The following KIF21B variants were observed in gnomAD, a reference collection of about 807,000 sequenced individuals.
KIF21B encodes the protein kinesin-like protein KIF21B.
Under a neutral mutation model 192.9 loss-of-function variants are expected in KIF21B, and 85 were observed. The ratio of observed to expected loss-of-function variants is 0.44; its 90% CI spans 0.37 to 0.53. The LOEUF (loss-of-function observed/expected upper bound fraction) is 0.53, where lower values mean the gene tolerates loss of function less well. Ranked by LOEUF, KIF21B falls within the 20% of genes least tolerant of loss-of-function variation. KIF21B has a pLI of 0.00. For missense variants in KIF21B, 1,716 were observed against 2,194.8 expected (o/e 0.78, Z 4.36); for synonymous variants, 832 against 884.6 (o/e 0.94, Z 1.05).
chr1:200,987,149 C>A lies in KIF21B; in HGVS notation c.3461G>T (p.Gly1154Val), dbSNP rs1471048187. The change falls in exon 25 of 35, where the codon GGC becomes GTC. Residue 1154 changes from glycine (G) to valine (V), a missense_variant. By Grantham distance (109) the Gly-to-Val change is moderately radical (BLOSUM62 -3). This residue lies in a region of KIF21B where 580 missense variants were observed against 775.5 expected (regional missense o/e 0.75). Transcript: ENST00000461742. Reference protein sequence around the residue: ...QMKAVSAECLGPPLDISTKNI... With the variant: ...QMKAVSAECLVPPLDISTKNI... The stretch of plus-strand genomic sequence containing the variant: ...CTTGGTGGAGATATCCAGTGGGGGG[C>A]CCAGGCACTCAGCCGACACAGCTTT... The A allele has an allele frequency of 6.2e-7, 1 of 1,613,846 alleles. No homozygotes were observed. Among genetic ancestry groups the A allele is most frequent in the Non-Finnish European group, 8.5e-7 (1 of 1,180,010 alleles).
intron 1 of KIF21B, among the ~76,000 whole-genome samples, chr1:201,014,805 T>C (rs1309467854): frequency 4.6e-5 from 7 of 152,252 alleles, no homozygotes; most frequent in Admixed American, 4.6e-4. Flanking sequence ...CCCAGGCTCT[T>C]TCCACTTGAA....
Position 200,974,742 on chromosome 1 carries a change from T to A in KIF21B, c.4786A>T (p.Asn1596Tyr). The A allele has an allele frequency of 6.2e-7, 1 of 1,614,210 alleles. No individual in the cohort carries two copies. Among genetic ancestry groups the A allele is most frequent in the South Asian group, 1.1e-5 (1 of 91,090 alleles). The part of the protein sequence containing the change: ...HDSPINAICT[N>Y]AKHIFTASSD... ...GAGGCTGTGAAGATATGCTTGGCAT[T>A]GGTGCAGATGGCATTGATGGGACTG... The change falls in exon 34 of 35, where the codon AAT (asparagine) becomes TAT (tyrosine). Residue 1596 changes from asparagine to tyrosine, a missense_variant. Asn to Tyr is a moderately radical substitution (Grantham distance 143, BLOSUM62 -2). Coordinates refer to ENST00000461742, the MANE Select transcript of KIF21B (RefSeq NM_001252102.2).
chr1:200,995,949 A>T (rs561015210), intron 15 of KIF21B, among the ~76,000 whole-genome samples: 1 of 152,202 alleles, frequency 6.6e-6, no homozygotes, highest in East Asian at 1.9e-4. Context: ...TGCCCTGAAC[A>T]CGACCCCTGT....
intron 24 of KIF21B, 81 bp from the exon 25 acceptor site, chr1:200,987,282 T>C: frequency 5.1e-6 from 7 of 1,365,066 alleles, no homozygotes; most frequent in South Asian, 1.4e-5. Flanking sequence ...TTCTATTTTT[T>C]TTTTTTTGAG....
At chr1:201,009,689 G>GTTAA (rs1658124065) in intron 1 of KIF21B, among the ~76,000 whole-genome samples, 1 of 152,232 alleles carries the variant, frequency 6.6e-6, no homozygotes, top group Non-Finnish European at 1.5e-5. Flanking sequence ...AACAGCAGTT[G>GTTAA]TTAACATTTA....
rs1245146287 is a variant in KIF21B at position 201,000,501 on chromosome 1, G to A, written c.1574C>T (p.Ala525Val). The A allele has an allele frequency of 5.0e-6, 8 of 1,610,024 alleles. No individual in the cohort carries two copies. The highest frequency in any genetic ancestry group is 6.8e-6 in the Non-Finnish European group (8 of 1,177,682). ...GGAGCTGGCAGGGCTGCCCCCGAAG[G>A]CCGGGGCGGCTGGAGAAGCACCCAG... The part of the protein sequence containing the change: ...YSLGASPAAP[A>V]FGGSPASSME... The change falls in exon 11 of 35, where the codon GCC (alanine) becomes GTC (valine). Residue 525 changes from alanine (A) to valine (V), a missense_variant. Coordinates refer to ENST00000461742, the MANE Select transcript of KIF21B (RefSeq NM_001252102.2). The surrounding 1 kb of genome is among the most constrained non-coding windows in gnomAD (Gnocchi z 6.0).
intron 29 of KIF21B, among the ~76,000 whole-genome samples, chr1:200,980,206 A>G (rs1483999996): frequency 6.6e-6 from 1 of 152,192 alleles, no homozygotes; most frequent in Non-Finnish European, 1.5e-5. Flanking sequence ...TCTATTACAG[A>G]CTAGTTCTTT....
In KIF21B at chr1:200,988,751, C is replaced by A. The variant is rs993700161; in HGVS notation, c.3298+15G>T. 1.3e-6 allele frequency: 2 copies of A among 1,591,500 alleles called. No homozygotes were observed. The highest frequency in any genetic ancestry group is 1.3e-5 in the African/African-American group (1 of 74,278). ...TGCCAAGGAGCTGGCAGCTTCCAAC[C>A]GCCCCTACCCGTACCCTGCTGCACA... On this transcript the variant is annotated intron_variant, in intron 22 of 34. Coordinates refer to ENST00000461742, the MANE Select transcript of KIF21B (RefSeq NM_001252102.2).
rs374422881 is a variant in KIF21B, at chr1:200,977,133, G to A, written c.4325+79C>T. 1.5e-4 allele frequency: 228 copies of A among 1,521,202 alleles called. No homozygotes were observed. In the African/African-American group the frequency reaches 2.7e-3, roughly 18 times the overall value. The allele number at this position is 1,521,202 out of a possible 1,614,324, so 94.2% of individuals were successfully genotyped here. A position where few individuals can be genotyped will look rare whatever the true frequency, so the allele number is the denominator to read the frequency against. The stretch of plus-strand genomic sequence containing the variant: ...TTGCTGAGGTCCTACCCACCCTGGG[G>A]TGGGTCCCCCTGAACCAAGACCTGG... On this transcript the variant is annotated intron_variant, in intron 31 of 34. Coordinates refer to ENST00000461742, the MANE Select transcript of KIF21B (RefSeq NM_001252102.2).
At chr1:201,009,924 C>T (rs531237190) in intron 1 of KIF21B, among the ~76,000 whole-genome samples, 2 of 152,332 alleles carry the variant, frequency 1.3e-5, no homozygotes, top group South Asian at 2.1e-4. Flanking sequence ...CCTGATTGGA[C>T]CAGAAGCCCT....
At position 200,973,474 on chromosome 1, in the gene KIF21B, C is replaced by T; in HGVS notation, c.*47G>A. ...GTCACAGCTTCCCTTCCATGGTGTC[C>T]AGGCTGCTGGGGTCGAGGGTCCGGG... On this transcript the variant is annotated 3_prime_UTR_variant, in exon 35 of 35. Transcript: ENST00000461742. 11 of 1,405,400 alleles carry T rather than the reference C, an allele frequency of 7.8e-6. No individual in the cohort carries two copies. The highest frequency in any genetic ancestry group is 1.0e-5 in the Non-Finnish European group (11 of 1,087,632). 87.1% of individuals were successfully genotyped at this position (1,405,400 alleles called of 1,614,324 possible).
intron 30 of KIF21B, 57 bp from the exon 31 acceptor site, chr1:200,977,433 G>A: frequency 6.4e-7 from 1 of 1,568,424 alleles, no homozygotes; most frequent in Non-Finnish European, 8.7e-7. Flanking sequence ...GCACAGTGCA[G>A]GAAACCAATA....
chr1:200,982,368 G>A lies in KIF21B; in HGVS notation c.3842+688C>T, dbSNP rs568524513. Among the ~76,000 whole-genome samples the A allele has an allele frequency of 2.0e-5, 3 of 152,336 alleles. No individual in the cohort carries two copies. Among genetic ancestry groups the A allele is most frequent in the Admixed American group, 1.3e-4 (2 of 15,312 alleles). ...GCTGAGACAGCCCACCAGGAGAGCC[G>A]AGGAAGCTCTCAGCCCACGAGGGGC... On this transcript the variant is annotated intron_variant, in intron 28 of 34. Coordinates refer to ENST00000461742, the MANE Select transcript of KIF21B (RefSeq NM_001252102.2). The surrounding 1 kb of genome is among the most constrained non-coding windows in gnomAD (Gnocchi z 4.7).
At position 200,990,011 on chromosome 1, in the gene KIF21B, G is replaced by A. The variant is rs1275697281; in HGVS notation, c.3063C>T (p.Val1021=). 2 of 1,613,860 alleles carry A rather than the reference G, an allele frequency of 1.2e-6. No individual in the cohort carries two copies. Among genetic ancestry groups the A allele is most frequent in the Non-Finnish European group, 1.7e-6 (2 of 1,180,022 alleles). Residue 1021 remains valine (V), a synonymous_variant, in exon 21 of 35, where the codon GTC becomes GTT. Coordinates refer to ENST00000461742, the MANE Select transcript of KIF21B (RefSeq NM_001252102.2). This position sits in a 1 kb window ranked among gnomAD's most constrained non-coding sequence, Gnocchi z 5.4. ...CTTCAGCCAGGGAGCAGGAGCTGAT[G>A]ACCACGGATGTGTCTGTGGAGTCCA... The part of the protein sequence containing the change: ...EELDSTDTSV[V]ISSCSLAEAR...
At position 200,998,315 on chromosome 1, in the gene KIF21B, T is replaced by G. The variant is rs1402050523; in HGVS notation, c.2077+69A>C. The G allele has an allele frequency of 1.4e-6, 2 of 1,472,510 alleles. No individual in the cohort carries two copies. Among genetic ancestry groups the G allele is most frequent in the East Asian group, 4.6e-5 (2 of 43,836 alleles). The allele number at this position is 1,472,510 out of a possible 1,614,324, so 91.2% of individuals were successfully genotyped here. ...GATAACCCCAACACACCAGCTGCTTTTGACAGAGGAGGGGCTCAGGGAAAA... is the reference window on the plus strand; with the variant it reads ...GATAACCCCAACACACCAGCTGCTTGTGACAGAGGAGGGGCTCAGGGAAAA... On this transcript the variant is annotated intron_variant, in intron 14 of 34. Coordinates refer to ENST00000461742, the MANE Select transcript of KIF21B (RefSeq NM_001252102.2). This position sits in a 1 kb window ranked among gnomAD's most constrained non-coding sequence, Gnocchi z 4.3.
In KIF21B at chr1:201,023,424, G is replaced by T; in HGVS notation, c.-41C>A. 5 of 1,383,522 alleles carry T rather than the reference G, an allele frequency of 3.6e-6. No homozygotes were observed. The highest frequency in any genetic ancestry group is 4.7e-6 in the Non-Finnish European group (5 of 1,056,854). 85.7% of individuals were successfully genotyped at this position (1,383,522 alleles called of 1,614,324 possible). ...GGGTCTGGGCGTGGATCAGAGGCGG[G>T]GGTCTGGGGGCCAATGCCCGAGGCA... On this transcript the variant is annotated 5_prime_UTR_variant, in exon 1 of 35. Transcript: ENST00000461742. This position sits in a 1 kb window ranked among gnomAD's most constrained non-coding sequence, Gnocchi z 5.9.
At chr1:201,019,389 A>G (rs1449878219) in intron 1 of KIF21B, among the ~76,000 whole-genome samples, 2 of 152,148 alleles carry the variant, frequency 1.3e-5, no homozygotes, top group Non-Finnish European at 2.9e-5. Context: ...CCCATTTTCC[A>G]GTGGGTAAAA....
intron 22 of KIF21B, 23 bp from the exon 23 acceptor site, chr1:200,988,567 G>GT: frequency 1.4e-6 from 1 of 701,880 alleles, no homozygotes; most frequent in Non-Finnish European, 2.5e-6. Flanking sequence ...GGGAGGGAGG[G>GT]AAAGGGGTTG....
At chr1:200,985,704 A>ATC (rs1330078520) in intron 26 of KIF21B, among the ~76,000 whole-genome samples, 1 of 149,486 alleles carries the variant, frequency 6.7e-6, no homozygotes. Context: ...TTCTGCATTG[A>ATC]TCTCTTTTTT....
Sources: allele counts gnomAD v4.1 joint callset (sites outside exome capture counted in the v4.1 genomes callset), GRCh38; gene constraint gnomAD v4.1.1; regional missense constraint gnomAD v4.1.1; non-coding constraint Gnocchi (gnomAD v3.1); transcripts MANE v1.5; gene names NCBI Gene and HGNC (gene_info 2026-07-23, HGNC 2026-07-21).